The following GARNL3 variants were observed in gnomAD, a reference collection of about 807,000 sequenced individuals.
GARNL3 encodes the protein GTPase activating Rap/RanGAP domain like 3, also known as GTPase-activating Rap/Ran-GAP domain-like protein 3.
GARNL3 carries 63 observed loss-of-function variants against 125.0 expected under a neutral mutation model. That is an observed-to-expected ratio of 0.50 (90% confidence interval 0.41 to 0.62). The LOEUF is 0.62. Ranked by LOEUF, GARNL3 falls within the 20% of genes least tolerant of loss-of-function variation. The pLI is 0.00. For synonymous variants in GARNL3, 439 were observed against 457.5 expected, an observed-to-expected ratio of 0.96 and a Z score of 0.52; for missense variants, 994 against 1,244.0, an observed-to-expected ratio of 0.80 and a Z score of 3.02.
intron 2 of GARNL3, among the ~76,000 whole-genome samples, chr9:127,303,578 T>C (rs1461980817): frequency 1.3e-5 from 2 of 152,240 alleles, no homozygotes; most frequent in East Asian, 3.8e-4. Context: ...CCTACTGCCA[T>C]GTTATCTCAG....
chr9:127,315,541 T>C (rs1588838589), intron 4 of GARNL3, among the ~76,000 whole-genome samples: 1 of 151,840 alleles, frequency 6.6e-6, no homozygotes, highest in African/African-American at 2.4e-5. Flanking sequence ...TTTGGGAGGG[T>C]AAGGCAGGAG....
intron 22 of GARNL3, among the ~76,000 whole-genome samples, chr9:127,367,986 T>G (rs1244510983): frequency 5.9e-5 from 9 of 151,736 alleles, no homozygotes; most frequent in Non-Finnish European, 8.8e-5. Flanking sequence ...CAGAACTCAG[T>G]TTTTTAACCT....
intron 7 of GARNL3, among the ~76,000 whole-genome samples, chr9:127,329,251 C>T (rs1380644681): frequency 2.0e-5 from 3 of 152,192 alleles, no homozygotes; most frequent in African/African-American, 7.2e-5. Context: ...GGAATCTCCA[C>T]CTGAAACAGG....
intron 22 of GARNL3, among the ~76,000 whole-genome samples, chr9:127,376,364 G>A (rs1350865975): frequency 2.0e-5 from 3 of 151,766 alleles, no homozygotes; most frequent in Admixed American, 6.6e-5. Flanking sequence ...GACTACAGGC[G>A]CCTGCCACCT....
At chr9:127,293,161 G>A (rs952061277) in intron 2 of GARNL3, among the ~76,000 whole-genome samples, 40 of 152,146 alleles carry the variant, frequency 2.6e-4, no homozygotes, top group African/African-American at 9.7e-4. Flanking sequence ...AGACCTTGTG[G>A]GCACTTGACT....
At position 127,344,291 on chromosome 9, in the gene GARNL3, G is replaced by C. The variant is rs377114357; in HGVS notation, c.1308G>C (p.Ala436=). 32 of 1,613,968 alleles carry C rather than the reference G, an allele frequency of 2.0e-5. No homozygotes were observed. The highest frequency in any genetic ancestry group is 2.7e-5 in the African/African-American group (2 of 74,920). Residue 436 remains alanine (A), a synonymous_variant, in exon 15 of 28, where the codon GCG becomes GCC. Coordinates refer to ENST00000373387, the MANE Select transcript of GARNL3 (RefSeq NM_032293.5). ...SDVLPESPKS[A]RKKEEARQAE... ...TCTTACCAGAGTCACCCAAGTCAGC[G>C]CGGAAGAAAGAGGAGGCCCGCCAGG...
At chr9:127,311,416 C>T (rs1394727103) in intron 2 of GARNL3, among the ~76,000 whole-genome samples, 2 of 152,094 alleles carry the variant, frequency 1.3e-5, no homozygotes, top group African/African-American at 4.8e-5. Context: ...CTGAACTCAC[C>T]GGTTCACTGG....
At chr9:127,324,575 T>G (rs1468157146) in intron 6 of GARNL3, among the ~76,000 whole-genome samples, 1 of 152,230 alleles carries the variant, frequency 6.6e-6, no homozygotes, top group Non-Finnish European at 1.5e-5. Flanking sequence ...AACCAGAATC[T>G]ACTTTTTTAG....
At chr9:127,281,005 A>G (rs1185071217) in intron 1 of GARNL3, among the ~76,000 whole-genome samples, 1 of 152,170 alleles carries the variant, frequency 6.6e-6, no homozygotes, top group Non-Finnish European at 1.5e-5. Context: ...GGTCAGATGG[A>G]AACTCTTCTT....
Position 127,345,350 on chromosome 9 carries a change from C to T in GARNL3, c.1357-53C>T, listed in dbSNP as rs527750875. 1.2e-5 allele frequency: 14 copies of T among 1,123,114 alleles called. No individual in the cohort carries two copies. The South Asian group carries it at 1.6e-4, about 13-fold the overall frequency. The allele number at this position is 1,123,114 out of a possible 1,614,324, so 69.6% of individuals were successfully genotyped here. On this transcript the variant is annotated intron_variant, in intron 15 of 27. Coordinates refer to ENST00000373387, the MANE Select transcript of GARNL3 (RefSeq NM_032293.5). The stretch of plus-strand genomic sequence containing the variant: ...TTTTGTCAAATCACAATTGTTTATC[C>T]TGCTGTACTTTTGCCGCCTAGTAAA...
In GARNL3 at chr9:127,320,784, A is replaced by G. The variant is rs1342768903; in HGVS notation, c.567+6A>G. The stretch of plus-strand genomic sequence containing the variant: ...TTCATCCTGAAATACAAAAGGTAAC[A>G]GAAAATTTTATGCTTCATAATTGTA... On this transcript the variant is annotated splice_donor_region_variant and intron_variant, in intron 6 of 27. Transcript: ENST00000373387. The G allele has an allele frequency of 1.3e-6, 2 of 1,576,908 alleles. No individual in the cohort carries two copies. Among genetic ancestry groups the G allele is most frequent in the South Asian group, 1.1e-5 (1 of 90,200 alleles).
chr9:127,369,989 C>T lies in GARNL3; in HGVS notation c.2161+4623C>T, dbSNP rs1004077033. Reference sequence around the variant, plus strand: ...TGAGAGCATCAGAGCCACAGGCAGCCGTGGCAGTGGTGCCCAAGGTGTCCT... The same window carrying T: ...TGAGAGCATCAGAGCCACAGGCAGCTGTGGCAGTGGTGCCCAAGGTGTCCT... On this transcript the variant is annotated intron_variant, in intron 22 of 27. Coordinates refer to ENST00000373387, the MANE Select transcript of GARNL3 (RefSeq NM_032293.5). 9.2e-5 allele frequency among the ~76,000 whole-genome samples: 14 copies of T among 152,234 alleles called. No homozygotes were observed. The East Asian group carries it at 2.3e-3, about 25-fold the overall frequency.
intron 16 of GARNL3, among the ~76,000 whole-genome samples, chr9:127,347,224 C>A (rs1830186336): frequency 1.3e-5 from 2 of 151,866 alleles, no homozygotes; most frequent in Non-Finnish European, 2.9e-5. Context: ...TTGGAGACCA[C>A]CCTGGGCAAC....
chr9:127,383,359 G>T, intron 22 of GARNL3, 79 bp from the exon 23 acceptor site: 1 of 831,502 alleles, frequency 1.2e-6, no homozygotes, highest in Admixed American at 2.3e-5. Context: ...TATTCTTGTT[G>T]CCTGTTTTTC....
At chr9:127,320,876 C>A in intron 6 of GARNL3, 98 bp downstream of exon 6, 1 of 771,874 alleles carries the variant, frequency 1.3e-6, no homozygotes, top group Non-Finnish European at 2.2e-6. Context: ...GGATGCAAAG[C>A]CAAATCACCT....
At chr9:127,281,192 A>T (rs2064093787) in intron 1 of GARNL3, among the ~76,000 whole-genome samples, 1 of 152,158 alleles carries the variant, frequency 6.6e-6, no homozygotes, top group South Asian at 2.1e-4. Flanking sequence ...GTTATGAGGT[A>T]AGGTAGGTCC....
At position 127,385,061 on chromosome 9, in the gene GARNL3, C is replaced by A. The variant is rs767319667; in HGVS notation, c.2304C>A (p.Thr768=). 1 of 1,612,020 alleles carries A rather than the reference C, an allele frequency of 6.2e-7. No individual in the cohort carries two copies. The highest frequency in any genetic ancestry group is 2.2e-5 in the East Asian group (1 of 44,776). The change falls in exon 24 of 28, where the codon ACC becomes ACA. Residue 768 remains threonine, a synonymous_variant. Transcript: ENST00000373387. The surrounding 1 kb of genome is among the most constrained non-coding windows in gnomAD (Gnocchi z 4.1). ...CAFPYLLAFT[T]DSMEIRLVVN... ...TCCCGTATCTCCTGGCCTTCACCAC[C>A]GACTCCATGGAGATCCGCCTGGTGG...
At chr9:127,368,219 G>C (rs1248596028) in intron 22 of GARNL3, among the ~76,000 whole-genome samples, 1 of 151,780 alleles carries the variant, frequency 6.6e-6, no homozygotes, top group Non-Finnish European at 1.5e-5. Context: ...CGAAGGGGTA[G>C]GGGTAGGGAG....
chr9:127,320,865 G>A (rs1032371037), intron 6 of GARNL3, 87 bp downstream of exon 6: 7 of 864,118 alleles, frequency 8.1e-6, no homozygotes, highest in Admixed American at 6.5e-5. Flanking sequence ...TCCTTATCCT[G>A]GGATGCAAAG....
Sources: gnomAD v4.1 joint callset for allele counts (sites outside exome capture counted in the v4.1 genomes callset) on GRCh38, gnomAD v4.1.1 for gene constraint, Gnocchi (gnomAD v3.1) non-coding constraint, MANE v1.5 for transcripts, NCBI Gene and HGNC (gene_info 2026-07-23, HGNC 2026-07-21) for gene names.